EXPH5: variants seen among roughly 807,000 people sequenced by gnomAD.
The protein encoded by EXPH5 is exophilin 5, also known as exophilin-5.
Under a neutral mutation model 41.1 loss-of-function variants are expected in EXPH5, and 42 were observed. That is an observed-to-expected ratio of 1.02 (90% confidence interval 0.80 to 1.32). The LOEUF (loss-of-function observed/expected upper bound fraction) is 1.32. EXPH5 is among the 40% of genes most tolerant of loss of function. EXPH5 has a pLI of 0.00. For synonymous variants in EXPH5, 798 were observed against 833.5 expected (o/e 0.96, Z 0.73); for missense variants, 2,298 against 2,314.5 (o/e 0.99, Z 0.15).
Position 108,508,285 on chromosome 11 carries a change from C to T in EXPH5, c.*1252G>A, listed in dbSNP as rs1258536740. The T allele has an allele frequency of 6.6e-6, 1 of 152,612 alleles. No homozygotes were observed. Among genetic ancestry groups the T allele is most frequent in the Non-Finnish European group, 1.5e-5 (1 of 68,430 alleles). 9.5% of individuals were successfully genotyped at this position (152,612 alleles called of 1,614,324 possible). A position where few individuals can be genotyped will look rare whatever the true frequency, so the allele number is the denominator to read the frequency against. On this transcript the variant is annotated 3_prime_UTR_variant, in exon 6 of 6. Coordinates refer to ENST00000265843, the MANE Select transcript of EXPH5 (RefSeq NM_015065.3). The stretch of plus-strand genomic sequence containing the variant: ...CTGAAGTGGGCGGATTGCCTGAGCT[C>T]AGGAGTTCGAGACCAGCCTGGGCAA...
chr11:108,519,243 C>T (rs552582089), intron 4 of EXPH5, among the ~76,000 whole-genome samples: 2 of 152,074 alleles, frequency 1.3e-5, no homozygotes, highest in African/African-American at 2.4e-5. Flanking sequence ...GGAAACCTTC[C>T]AACCAAAGGC....
chr11:108,540,959 C>T (rs1038771061), intron 2 of EXPH5, among the ~76,000 whole-genome samples: 1 of 151,976 alleles, frequency 6.6e-6, no homozygotes, highest in Non-Finnish European at 1.5e-5. Flanking sequence ...GGCTGGAGTG[C>T]AGTGGCATGA....
At chr11:108,518,076 T>A (rs529666721) in intron 5 of EXPH5, among the ~76,000 whole-genome samples, 159 bp downstream of exon 5, 6 of 152,362 alleles carry the variant, frequency 3.9e-5, no homozygotes, top group Admixed American at 1.3e-4. Flanking sequence ...ATACTTGTGT[T>A]AATAACATAT....
At position 108,559,808 on chromosome 11, in the gene EXPH5, C is replaced by T. The variant is rs75322006; in HGVS notation, c.120-17996G>A. ...AAAGGAAAGTGATGCTCCTATAGAT[C>T]CCTTCTGTGTCTAAGCAAAAAGGTG... On this transcript the variant is annotated intron_variant, in intron 1 of 5. Transcript: ENST00000265843. Among the ~76,000 whole-genome samples, 624 of 152,270 alleles carry T rather than the reference C, an allele frequency of 4.1e-3. 5 individuals carry two copies. Among genetic ancestry groups the T allele is most frequent in the African/African-American group, 0.014 (595 of 41,544 alleles).
upstream of EXPH5, among the ~76,000 whole-genome samples, chr11:108,595,211 G>A (rs886402397): frequency 1.3e-5 from 2 of 152,218 alleles, no homozygotes; most frequent in African/African-American, 4.8e-5. Flanking sequence ...CACAGTCCTT[G>A]TCTTTAGAAA....
chr11:108,564,421 A>G (rs186940134), intron 1 of EXPH5, among the ~76,000 whole-genome samples: 5,068 of 150,330 alleles, frequency 0.034, 257 homozygotes, highest in African/African-American at 0.12. Context: ...TACCCTATGC[A>G]TGCTTTGTGT....
At chr11:108,544,519 T>C (rs1364010776) in intron 1 of EXPH5, among the ~76,000 whole-genome samples, 1 of 152,224 alleles carries the variant, frequency 6.6e-6, no homozygotes, top group Non-Finnish European at 1.5e-5. Context: ...CCTCAAGCTT[T>C]CCTTCCACGG....
chr11:108,514,032 T>A lies in EXPH5; in HGVS notation c.1475A>T (p.Asp492Val), dbSNP rs764720812. 5 of 1,613,988 alleles carry A rather than the reference T, an allele frequency of 3.1e-6. No homozygotes were observed. The African/African-American group carries it at 5.3e-5, about 17-fold the overall frequency. Residue 492 changes from aspartate (D) to valine (V), a missense_variant, in exon 6 of 6, where the codon GAC (aspartate) becomes GTC (valine). Transcript: ENST00000265843. ...GQEKGHSFWSDFHRSRKSFSS... is the reference protein window; with the variant it reads ...GQEKGHSFWSVFHRSRKSFSS... ...GAATGATTTCCTGCTTCGATGAAAG[T>A]CAGACCAGAAAGAATGTCCTTTCTC... is the stretch of plus-strand genomic sequence containing the variant.
intron 1 of EXPH5, among the ~76,000 whole-genome samples, chr11:108,579,200 G>GTT (rs77468046): frequency 3.1e-4 from 45 of 145,006 alleles, no homozygotes; most frequent in African/African-American, 1.1e-3. Context: ...TTTGTTGAGA[G>GTT]TTTTTTTTTT....
At chr11:108,574,271 C>T (rs2094072782) in intron 1 of EXPH5, among the ~76,000 whole-genome samples, 1 of 151,652 alleles carries the variant, frequency 6.6e-6, no homozygotes, top group African/African-American at 2.4e-5. Context: ...CCTAGCTACT[C>T]AGGAGGCTAA....
At chr11:108,590,206 A>G (rs1366034563) in intron 1 of EXPH5, among the ~76,000 whole-genome samples, 1 of 151,958 alleles carries the variant, frequency 6.6e-6, no homozygotes, top group Admixed American at 6.6e-5. Context: ...TTTCATTCCA[A>G]CCCTCACCAA....
At chr11:108,533,080 C>T (rs887292894) in intron 3 of EXPH5, among the ~76,000 whole-genome samples, 6 of 152,190 alleles carry the variant, frequency 3.9e-5, no homozygotes, top group Non-Finnish European at 8.8e-5. Context: ...ACGACTTCTG[C>T]TCTTCCTCAG....
chr11:108,603,862 T>C, the EXPH5 span, among the ~76,000 whole-genome samples: 10 of 152,270 alleles, frequency 6.6e-5, no homozygotes, highest in African/African-American at 2.4e-4. Context: ...GGCTTCCTTA[T>C]GGATTGACCT....
chr11:108,593,851 CTCG>C, upstream of EXPH5: 1 of 1,054,372 alleles, frequency 9.5e-7, no homozygotes, highest in Non-Finnish European at 1.4e-6. Flanking sequence ...CCTCCCTCGT[CTCG>C]TCCCGTCCCT....
chr11:108,530,531 A>G (rs1474010401), intron 3 of EXPH5, among the ~76,000 whole-genome samples: 1 of 151,810 alleles, frequency 6.6e-6, no homozygotes, highest in African/African-American at 2.4e-5. Flanking sequence ...GCTTGGGCAC[A>G]GCAAGGGAGG....
chr11:108,589,995 C>T (rs1303324687), intron 1 of EXPH5, among the ~76,000 whole-genome samples: 1 of 152,146 alleles, frequency 6.6e-6, no homozygotes, highest in Non-Finnish European at 1.5e-5. Flanking sequence ...ACAATAATTA[C>T]TATTATTACA....
intron 1 of EXPH5, among the ~76,000 whole-genome samples, chr11:108,569,780 T>C (rs912074802): frequency 6.6e-6 from 1 of 152,108 alleles, no homozygotes; most frequent in Non-Finnish European, 1.5e-5. Context: ...GAAATGTTAT[T>C]GAATCATGAT....
chr11:108,563,331 A>G (rs928363208), intron 1 of EXPH5, among the ~76,000 whole-genome samples: 2 of 152,200 alleles, frequency 1.3e-5, no homozygotes, highest in Non-Finnish European at 2.9e-5. Context: ...TTCTCAAGCA[A>G]CCACAGTATG....
At chr11:108,591,202 A>G (rs748304778) in intron 1 of EXPH5, among the ~76,000 whole-genome samples, 8 of 152,230 alleles carry the variant, frequency 5.3e-5, no homozygotes, top group Non-Finnish European at 1.2e-4. Context: ...GCCAAGCCAG[A>G]ACAGAATGAA....
Sources: allele counts gnomAD v4.1 joint callset (sites outside exome capture counted in the v4.1 genomes callset), GRCh38; gene constraint gnomAD v4.1.1; transcripts MANE v1.5; gene names NCBI Gene and HGNC (gene_info 2026-07-23, HGNC 2026-07-21).